Variants in CD36 observed in about 807,000 individuals in gnomAD.
The protein encoded by CD36 is CD36 molecule (CD36 blood group).
CD36 carries 119 observed loss-of-function variants against 55.2 expected under a neutral mutation model. The observed-to-expected ratio is 2.15, with a 90% CI of 1.86 to 2.51. The LOEUF is 2.51. CD36 is among the 30% of genes most tolerant of loss of function. CD36 has a pLI of 0.00. For synonymous variants in CD36, 186 were observed against 193.6 expected (o/e 0.96, Z 0.33); for missense variants, 819 against 555.5 (o/e 1.47, Z -4.77).
chr7:80,665,531 A>T (rs1172973023), intron 7 of CD36, among the ~76,000 whole-genome samples: 1 of 148,498 alleles, frequency 6.7e-6, no homozygotes, highest in Non-Finnish European at 1.5e-5. Context: ...AGAGGGAAAA[A>T]AACACTTCTA....
chr7:80,649,050 T>C (rs1584376983), intron 3 of CD36, among the ~76,000 whole-genome samples: 1 of 152,280 alleles, frequency 6.6e-6, no homozygotes, highest in South Asian at 2.1e-4. Context: ...GTCGTCGGTA[T>C]GTTTTTCAGC....
intron 1 of CD36, among the ~76,000 whole-genome samples, chr7:80,643,653 A>G (rs1259239795): frequency 1.3e-5 from 2 of 152,164 alleles, no homozygotes; most frequent in Non-Finnish European, 2.9e-5. Context: ...ACTGCTGTGG[A>G]ATCAGTCATT....
Position 80,646,752 on chromosome 7 carries a change from C to G in CD36, c.12C>G (p.Asp4Glu), listed in dbSNP as rs767570219. 1.2e-6 allele frequency: 2 copies of G among 1,613,940 alleles called. No individual in the cohort carries two copies. The highest frequency in any genetic ancestry group is 2.2e-5 in the South Asian group (2 of 91,080). ...CCTGAACAAGAAAAATGGGCTGTGA[C>G]CGGAACTGTGGGCTCATCGCTGGGG... MGC[D>E]RNCGLIAGAV... Residue 4 changes from aspartate to glutamate, a missense_variant, in exon 3 of 15, where the codon GAC (aspartate) becomes GAG (glutamate). Transcript: ENST00000447544.
chr7:80,657,003 G>C (rs561021340), intron 4 of CD36, among the ~76,000 whole-genome samples: 28 of 152,048 alleles, frequency 1.8e-4, no homozygotes, highest in Non-Finnish European at 4.0e-4. Flanking sequence ...CTATGTTTAT[G>C]AAGTTAGTGT....
In CD36 at chr7:80,674,051, T is replaced by G. The variant is rs1354442044; in HGVS notation, c.1323T>G (p.Leu441=). 6.2e-6 allele frequency: 10 copies of G among 1,611,864 alleles called. No individual in the cohort carries two copies. The African/African-American group carries it at 1.3e-4, about 22-fold the overall frequency. ...AAGTAACTGGAAAAATAAACCTCCT[T>G]GGCCTGATAGAAATGATCTTACTCA... The part of the protein sequence containing the change: ...RSQVTGKINL[L]GLIEMILLSV... Residue 441 remains leucine (L), a synonymous_variant, in exon 14 of 15, where the codon CTT becomes CTG. Transcript: ENST00000447544.
rs1455723306 is a variant in CD36, at chr7:80,678,303, C to T, written c.*1920C>T. 1 of 152,002 alleles carries T rather than the reference C, an allele frequency of 6.6e-6. No individual in the cohort carries two copies. Among genetic ancestry groups the T allele is most frequent in the Non-Finnish European group, 1.5e-5 (1 of 67,998 alleles). The allele number at this position is 152,002 out of a possible 1,614,324, so 9.4% of individuals were successfully genotyped here. A position where few individuals can be genotyped will look rare whatever the true frequency, so the allele number is the denominator to read the frequency against. ...CTTTGATAGAAGCACATTTTCTTTC[C>T]AAAGCTGGTTATTAACCACAGAATT... is the stretch of plus-strand genomic sequence containing the variant. On this transcript the variant is annotated 3_prime_UTR_variant, in exon 15 of 15. Transcript: ENST00000447544.
At chr7:80,656,028 T>G (rs1489021620) in intron 3 of CD36, among the ~76,000 whole-genome samples, 2 of 152,154 alleles carry the variant, frequency 1.3e-5, no homozygotes, top group Admixed American at 1.3e-4. Flanking sequence ...TATTTTTATT[T>G]TCTTAATGTA....
At chr7:80,604,936 G>A (rs1249290556) in intron 1 of CD36, among the ~76,000 whole-genome samples, 3 of 151,962 alleles carry the variant, frequency 2.0e-5, no homozygotes, top group African/African-American at 4.8e-5. Flanking sequence ...GGTTCCTTTG[G>A]TCCCATGTTG....
intron 7 of CD36, among the ~76,000 whole-genome samples, chr7:80,665,726 C>CTTATT (rs1268171531): frequency 5.3e-5 from 8 of 152,184 alleles, no homozygotes; most frequent in Admixed American, 4.6e-4. Context: ...TGATTAACCA[C>CTTATT]TTATTTTGTT....
In CD36 at chr7:80,666,258, G is replaced by T. The variant is rs567486636; in HGVS notation, c.702-185G>T. On this transcript the variant is annotated intron_variant, in intron 7 of 14. Transcript: ENST00000447544. ...TGATCTGGCTACCTAATGGCATCAGGTACATTGCAATAAGATAAAAGGTTC... is the reference window on the plus strand; with the variant it reads ...TGATCTGGCTACCTAATGGCATCAGTTACATTGCAATAAGATAAAAGGTTC... The T allele has an allele frequency of 7.0e-6, 4 of 571,558 alleles. No homozygotes were observed. In the African/African-American group the frequency reaches 7.6e-5, roughly 11 times the overall value. 35.4% of individuals were successfully genotyped at this position (571,558 alleles called of 1,614,324 possible).
chr7:80,617,879 G>C (rs995590523), intron 1 of CD36, among the ~76,000 whole-genome samples: 14 of 152,144 alleles, frequency 9.2e-5, no homozygotes, highest in African/African-American at 3.4e-4. Context: ...AGAAAGGTCA[G>C]ACTGATAAGA....
chr7:80,645,442 ACCAACATGGTGAAACC>A (rs1218716076), intron 1 of CD36, among the ~76,000 whole-genome samples: 2 of 151,370 alleles, frequency 1.3e-5, no homozygotes, highest in African/African-American at 4.8e-5. Context: ...GACCAGCCTG[ACCAACATGGTGAAACC>A]CCATCTCTAC....
At chr7:80,610,251 A>G (rs1792803211) in intron 1 of CD36, among the ~76,000 whole-genome samples, 1 of 152,044 alleles carries the variant, frequency 6.6e-6, no homozygotes, top group Non-Finnish European at 1.5e-5. Context: ...CATCATCATT[A>G]CTCTTATTTT....
chr7:80,643,541 G>A (rs931956777), intron 1 of CD36, among the ~76,000 whole-genome samples: 1 of 152,146 alleles, frequency 6.6e-6, no homozygotes, highest in African/African-American at 2.4e-5. Context: ...AAAGCTGTGG[G>A]TTTCTACAGA....
At chr7:80,673,223 A>AAATTTAAATGAGTCATT in intron 12 of CD36, 132 bp from the exon 13 acceptor site, 1 of 550,770 alleles carries the variant, frequency 1.8e-6, no homozygotes, top group Non-Finnish European at 3.2e-6. Flanking sequence ...AACTATATTA[A>AAATTTAAATGAGTCATT]AATTTAAATG....
At chr7:80,647,586 T>A (rs745701538) in intron 3 of CD36, among the ~76,000 whole-genome samples, 5 of 152,132 alleles carry the variant, frequency 3.3e-5, no homozygotes, top group Non-Finnish European at 5.9e-5. Flanking sequence ...ACACACTCAC[T>A]CATCAGAAAC....
At chr7:80,670,514 G>A in intron 9 of CD36, 1 of 217,056 alleles carries the variant, frequency 4.6e-6, no homozygotes, top group Non-Finnish European at 9.3e-6. Context: ...TCATATACGT[G>A]TATCTGGGGA....
At chr7:80,663,900 TGAATGTA>T (rs1486122519) in intron 6 of CD36, among the ~76,000 whole-genome samples, 1 of 152,166 alleles carries the variant, frequency 6.6e-6, no homozygotes, top group Non-Finnish European at 1.5e-5. Context: ...CAATTATAAA[TGAATGTA>T]GAAAGCCATA....
intron 4 of CD36, among the ~76,000 whole-genome samples, 190 bp from the exon 5 acceptor site, chr7:80,660,873 C>T (rs371071493): frequency 3.6e-4 from 55 of 152,186 alleles, no homozygotes; most frequent in African/African-American, 1.0e-3. Flanking sequence ...TCCAGTTTGC[C>T]AGTTTAAGAC....
Sources: gnomAD v4.1 joint callset for allele counts (sites outside exome capture counted in the v4.1 genomes callset) on GRCh38, gnomAD v4.1.1 for gene constraint, MANE v1.5 for transcripts, NCBI Gene and HGNC (gene_info 2026-07-23, HGNC 2026-07-21) for gene names.